USP28: variants seen among roughly 807,000 people sequenced by gnomAD.
USP28 encodes the protein ubiquitin specific peptidase 28.
In USP28, 113 loss-of-function variants were observed where a neutral mutation model predicts 145.0. The ratio of observed to expected loss-of-function variants is 0.78; its 90% CI spans 0.67 to 0.91. USP28 has a LOEUF of 0.91. USP28 is among the 40% of genes least tolerant of loss of function. The pLI, the probability that USP28 is intolerant of heterozygous loss-of-function variation, is 0.00. For synonymous variants in USP28, 447 were observed against 450.9 expected (o/e 0.99, Z 0.11); for missense variants, 1,201 against 1,289.6 (o/e 0.93, Z 1.05).
intron 1 of USP28, among the ~76,000 whole-genome samples, chr11:113,871,017 T>C (rs565118148): frequency 3.3e-5 from 5 of 152,164 alleles, no homozygotes; most frequent in Non-Finnish European, 5.9e-5. Flanking sequence ...AATATGCAAA[T>C]GAATCACCCA....
chr11:113,864,743 G>A (rs1948095987), intron 1 of USP28, among the ~76,000 whole-genome samples: 3 of 152,208 alleles, frequency 2.0e-5, no homozygotes, highest in Admixed American at 1.3e-4. Context: ...CTGATTCAAT[G>A]TTAATCTTAT....
exon 5 of USP28, chr11:113,840,753 G>A (rs1343822228): frequency 6.2e-7 from 1 of 1,613,998 alleles, no homozygotes; most frequent in Non-Finnish European, 8.5e-7. Context: ...GTTGCTTCAT[G>A]CATCCTATAT....
In USP28 at chr11:113,813,975, CA is replaced by C; in HGVS notation, c.1673-21del. 1 of 1,570,816 alleles carries C rather than the reference CA, an allele frequency of 6.4e-7. No homozygotes were observed. Among genetic ancestry groups the C allele is most frequent in the Non-Finnish European group, 8.7e-7 (1 of 1,150,770 alleles). Reference sequence around the variant, plus strand: ...TTAAATCTGTTTGGAAAAAGAAAAACAAAAGCTTCACTAAAATGATCTCATT... The same window carrying C: ...TTAAATCTGTTTGGAAAAAGAAAAACAAAGCTTCACTAAAATGATCTCATT... On this transcript the variant is annotated intron_variant, in intron 14 of 24. Transcript: ENST00000003302.
chr11:113,802,826 TG>T (rs1939273936), intron 23 of USP28, among the ~76,000 whole-genome samples: 1 of 152,098 alleles, frequency 6.6e-6, no homozygotes, highest in African/African-American at 2.4e-5. Flanking sequence ...ACAGAGGAAA[TG>T]GCTGAGTGAG....
chr11:113,837,508 T>C (rs1489666788), intron 5 of USP28, among the ~76,000 whole-genome samples: 1 of 152,216 alleles, frequency 6.6e-6, no homozygotes, highest in Non-Finnish European at 1.5e-5. Flanking sequence ...TCTGGGACCA[T>C]TACATGTCTT....
At chr11:113,817,630 A>G in intron 13 of USP28, 28 bp downstream of exon 13, 1 of 1,608,412 alleles carries the variant, frequency 6.2e-7, no homozygotes, top group Non-Finnish European at 8.5e-7. Flanking sequence ...AACAATACAT[A>G]CCATTAAAAA....
At chr11:113,829,340 G>T in exon 10 of USP28, 2 of 1,613,976 alleles carry the variant, frequency 1.2e-6, no homozygotes, top group Non-Finnish European at 1.7e-6. Context: ...TTACAAAAGG[G>T]TTTTCCTAGG....
chr11:113,862,456 G>A, intron 1 of USP28, among the ~76,000 whole-genome samples: 1 of 152,202 alleles, frequency 6.6e-6, no homozygotes, highest in East Asian at 1.9e-4. Context: ...GATAATCACT[G>A]CAGGCTCCTC....
intron 1 of USP28, among the ~76,000 whole-genome samples, chr11:113,857,677 CAAAT>C (rs1947215190): frequency 6.6e-6 from 1 of 152,002 alleles, no homozygotes. Flanking sequence ...CTCAGAATGC[CAAAT>C]AAATGTGAAT....
At chr11:113,824,065 T>A (rs1317836080) in intron 11 of USP28, among the ~76,000 whole-genome samples, 2 of 151,952 alleles carry the variant, frequency 1.3e-5, no homozygotes, top group South Asian at 4.1e-4. Flanking sequence ...AACTAATAAG[T>A]GAGTTTAGTA....
At chr11:113,840,695 C>T in exon 5 of USP28, 1 of 1,614,184 alleles carries the variant, frequency 6.2e-7, no homozygotes, top group Non-Finnish European at 8.5e-7. Flanking sequence ...GGGGTTTTCT[C>T]CCCAGACTTC....
chr11:113,828,571 T>G (rs1256252899), intron 10 of USP28, among the ~76,000 whole-genome samples: 2 of 152,196 alleles, frequency 1.3e-5, no homozygotes, highest in Admixed American at 1.3e-4. Flanking sequence ...GCCACAGTTT[T>G]GTCTCAAAAT....
At chr11:113,857,250 C>T (rs1019101681) in intron 1 of USP28, among the ~76,000 whole-genome samples, 3 of 152,176 alleles carry the variant, frequency 2.0e-5, no homozygotes, top group Non-Finnish European at 4.4e-5. Flanking sequence ...ACATATTTCT[C>T]GGCAACAAAA....
rs1195827722 is a variant in USP28, at chr11:113,819,373, A to G, written c.1284-1536T>C. ...ACTGATCCACCCACCTCAGCCTCCC[A>G]AAGTGCTGGGATTACAGGTGTGAGC... On this transcript the variant is annotated intron_variant, in intron 12 of 24. Transcript: ENST00000003302. Among the ~76,000 whole-genome samples, 3 of 152,192 alleles carry G rather than the reference A, an allele frequency of 2.0e-5. No homozygotes were observed. The East Asian group carries it at 5.8e-4, about 29-fold the overall frequency.
At chr11:113,816,842 GA>G (rs1159141083) in intron 13 of USP28, among the ~76,000 whole-genome samples, 2 of 152,260 alleles carry the variant, frequency 1.3e-5, no homozygotes, top group East Asian at 3.9e-4. Flanking sequence ...TATAAAAAGT[GA>G]AAGAGCAGCC....
chr11:113,804,802 C>A (rs754533170), intron 20 of USP28, 51 bp from the exon 22 acceptor site: 2 of 1,611,444 alleles, frequency 1.2e-6, no homozygotes, highest in African/African-American at 1.4e-5. Flanking sequence ...GGCAAAACTT[C>A]CCCAACAGAG....
At chr11:113,799,526 T>C (rs1344914922) in intron 24 of USP28, 111 bp from the exon 26 acceptor site, 1 of 1,233,562 alleles carries the variant, frequency 8.1e-7, no homozygotes. Flanking sequence ...AGCATTATGC[T>C]GGCCAGTTAC....
intron 3 of USP28, among the ~76,000 whole-genome samples, chr11:113,842,272 A>T (rs560189370): frequency 1.6e-5 from 2 of 127,446 alleles, no homozygotes; most frequent in Non-Finnish European, 3.5e-5. Flanking sequence ...CCAATAATAT[A>T]AAAAAAAAAA....
chr11:113,816,675 C>T (rs1453923167), intron 13 of USP28, among the ~76,000 whole-genome samples: 3 of 152,194 alleles, frequency 2.0e-5, no homozygotes, highest in African/African-American at 4.8e-5. Flanking sequence ...AGATTACACA[C>T]ATACACCTCC....
Sources: allele counts gnomAD v4.1 joint callset (sites outside exome capture counted in the v4.1 genomes callset), GRCh38; gene constraint gnomAD v4.1.1; transcripts MANE v1.5; gene names NCBI Gene and HGNC (gene_info 2026-07-23, HGNC 2026-07-21).